CYP4F8: variants seen among roughly 807,000 people sequenced by gnomAD.
CYP4F8 encodes the protein cytochrome P450 4F8.
A neutral mutation model predicts 55.0 loss-of-function variants in CYP4F8; 56 were observed. The observed-to-expected ratio is 1.02, with a 90% CI of 0.82 to 1.27. The LOEUF (loss-of-function observed/expected upper bound fraction) is 1.27, where lower values mean the gene tolerates loss of function less well. CYP4F8 is among the 50% of genes most tolerant of loss of function. The pLI is 0.00. For synonymous variants in CYP4F8, 288 were observed against 267.3 expected, an observed-to-expected ratio of 1.08 and a Z score of -0.76; for missense variants, 680 against 682.4, an observed-to-expected ratio of 1.00 and a Z score of 0.04.
chr19:15,622,134 G>T, intron 5 of CYP4F8, 85 bp from the exon 6 acceptor site: 2 of 1,514,338 alleles, frequency 1.3e-6, no homozygotes, highest in East Asian at 2.4e-5. Context: ...CATGCCTCTG[G>T]GGGAGTCCAT....
chr19:15,630,633 G>A lies in CYP4F8; in HGVS notation c.*1275G>A, dbSNP rs1972322451. On this transcript the variant is annotated 3_prime_UTR_variant, in exon 13 of 13. Transcript: ENST00000612078. ...TTAGAGCTGCGATAAACATGTGGATGCTTGTGTCTTTTTGGCAGAATGATT... is the reference window on the plus strand; with the variant it reads ...TTAGAGCTGCGATAAACATGTGGATACTTGTGTCTTTTTGGCAGAATGATT... 1 of 152,212 alleles carries A rather than the reference G, an allele frequency of 6.6e-6. No homozygotes were observed. The allele number at this position is 152,212 out of a possible 1,614,324, so 9.4% of individuals were successfully genotyped here.
chr19:15,617,103 C>T (rs1972132453), intron 2 of CYP4F8, among the ~76,000 whole-genome samples: 1 of 152,178 alleles, frequency 6.6e-6, no homozygotes, highest in South Asian at 2.1e-4. Context: ...ATGTGGGGAC[C>T]AGCCCTGGGG....
Position 15,628,536 on chromosome 19 carries a change from G to A in CYP4F8, c.1255G>A (p.Val419Ile), listed in dbSNP as rs749737082. 8 of 1,613,822 alleles carry A rather than the reference G, an allele frequency of 5.0e-6. No homozygotes were observed. In the South Asian group the frequency reaches 5.5e-5, roughly 11 times the overall value. Residue 419 changes from valine to isoleucine, a missense_variant, in exon 11 of 13, where the codon GTC becomes ATC. Coordinates refer to ENST00000612078, the MANE Select transcript of CYP4F8 (RefSeq NM_007253.4). Reference sequence around the variant, plus strand: ...TGTCCTCTCCTGCACGACAGGGAATGTCTGTAACATCAACATCTTCGCAAT... The same window carrying A: ...TGTCCTCTCCTGCACGACAGGGAATATCTGTAACATCAACATCTTCGCAAT... ...PDSRVIPKGN[V>I]CNINIFAIHH...
chr19:15,615,594 C>G (rs1972104209), intron 1 of CYP4F8, 22 bp from the exon 2 acceptor site: 1 of 1,611,322 alleles, frequency 6.2e-7, no homozygotes, highest in Admixed American at 1.7e-5. Flanking sequence ...GGACCTCACC[C>G]TCCATCCCGT....
At chr19:15,619,332 G>GC in intron 3 of CYP4F8, 158 bp from the exon 4 acceptor site, 2 of 735,844 alleles carry the variant, frequency 2.7e-6, no homozygotes, top group Non-Finnish European at 2.2e-6. Flanking sequence ...TCCCCTTTAT[G>GC]CCCCCCACCC....
Position 15,629,309 on chromosome 19 carries a change from T to C in CYP4F8, c.1514T>C (p.Val505Ala). 1 of 1,612,982 alleles carries C rather than the reference T, an allele frequency of 6.2e-7. No homozygotes were observed. ...HREPRRTPEI[V>A]LRAEDGLWLR... ...GAGCCACGCAGGACGCCGGAGATTG[T>C]TTTGCGTGCGGAGGACGGACTTTGG... Residue 505 changes from valine to alanine, a missense_variant, in exon 13 of 13, where the codon GTT (valine) becomes GCT (alanine). By Grantham distance (64) the Val-to-Ala change is moderately conservative (BLOSUM62 0). Coordinates refer to ENST00000612078, the MANE Select transcript of CYP4F8 (RefSeq NM_007253.4).
At chr19:15,622,392 GTGGGGAGA>G in intron 6 of CYP4F8, 52 bp downstream of exon 6, 1 of 1,545,400 alleles carries the variant, frequency 6.5e-7, no homozygotes, top group Non-Finnish European at 8.8e-7. Context: ...GGGTGTGGGT[GTGGGGAGA>G]GCAAAGCCCA....
At chr19:15,619,372 C>A in intron 3 of CYP4F8, 118 bp from the exon 4 acceptor site, 1 of 1,241,020 alleles carries the variant, frequency 8.1e-7, no homozygotes, top group Non-Finnish European at 1.1e-6. Flanking sequence ...TGGCCTCCTT[C>A]CTGCTATGCT....
chr19:15,623,830 C>T (rs1972227253), intron 8 of CYP4F8, 65 bp downstream of exon 8: 1 of 1,602,354 alleles, frequency 6.2e-7, no homozygotes, highest in Non-Finnish European at 8.5e-7. Context: ...AAGTGGAGGG[C>T]CGGCCCTGAA....
intron 12 of CYP4F8, 123 bp downstream of exon 12, chr19:15,628,966 A>G: frequency 1.5e-6 from 2 of 1,295,072 alleles, no homozygotes; most frequent in Non-Finnish European, 2.1e-6. Flanking sequence ...AGATCCTAGG[A>G]AAAAGGGTGT....
rs377457783 is a variant in CYP4F8, at chr19:15,616,252, T to C, written c.198+438T>C. ...TCTCCTCACCCACTCATTCCTCTCC[T>C]CGCTCACTCATTCCTCTCCTCGCTC... On this transcript the variant is annotated intron_variant, in intron 2 of 12. Transcript: ENST00000612078. Among the ~76,000 whole-genome samples the C allele has an allele frequency of 7.8e-4, 115 of 147,302 alleles. 1 individual carries two copies. The highest frequency in any genetic ancestry group is 4.7e-3 in the South Asian group (22 of 4,646).
chr19:15,626,896 G>A (rs1972269912), intron 9 of CYP4F8, among the ~76,000 whole-genome samples: 1 of 152,072 alleles, frequency 6.6e-6, no homozygotes, highest in African/African-American at 2.4e-5. Flanking sequence ...CAGTAGACAA[G>A]AACCTGTTTC....
chr19:15,615,818 A>T lies in CYP4F8; in HGVS notation c.198+4A>T. The T allele has an allele frequency of 6.2e-7, 1 of 1,604,122 alleles. No homozygotes were observed. Among genetic ancestry groups the T allele is most frequent in the South Asian group, 1.1e-5 (1 of 90,126 alleles). ...GTTCTTGGGTCACCTGGGCCTGGTG[A>T]GTGGCAGGAGGATGGATCTAGTGTC... is the stretch of plus-strand genomic sequence containing the variant. On this transcript the variant is annotated splice_donor_region_variant and intron_variant, in intron 2 of 12. Transcript: ENST00000612078.
chr19:15,618,156 G>T lies in CYP4F8; in HGVS notation c.343+12G>T. 1 of 1,614,068 alleles carries T rather than the reference G, an allele frequency of 6.2e-7. No individual in the cohort carries two copies. Among genetic ancestry groups the T allele is most frequent in the Non-Finnish European group, 8.5e-7 (1 of 1,179,954 alleles). On this transcript the variant is annotated intron_variant, in intron 3 of 12. Transcript: ENST00000612078. ...CATCAATACCTCAGGTACTCCTGCA[G>T]AGCTTGTGGTGGTGGGCACAGGAGA... is the stretch of plus-strand genomic sequence containing the variant.
intron 9 of CYP4F8, among the ~76,000 whole-genome samples, chr19:15,625,879 C>T (rs1429617668): frequency 6.6e-6 from 1 of 152,116 alleles, no homozygotes; most frequent in Non-Finnish European, 1.5e-5. Flanking sequence ...ATGGTGGATA[C>T]TTTTATCTGT....
At chr19:15,622,843 G>A (rs1232498055) in intron 6 of CYP4F8, 2 of 524,862 alleles carry the variant, frequency 3.8e-6, no homozygotes, top group Non-Finnish European at 3.4e-6. Context: ...AGAAAATGGG[G>A]CAGATTTGGG....
chr19:15,623,796 G>T (rs1270815411), intron 8 of CYP4F8, 31 bp downstream of exon 8: 1 of 1,612,464 alleles, frequency 6.2e-7, no homozygotes, highest in Admixed American at 1.7e-5. Context: ...CTACAGTGGG[G>T]ACAGGGGTCT....
chr19:15,617,615 A>T (rs1205308210), intron 2 of CYP4F8, among the ~76,000 whole-genome samples: 3 of 152,114 alleles, frequency 2.0e-5, no homozygotes, highest in Non-Finnish European at 4.4e-5. Flanking sequence ...ACTCATGTTT[A>T]TGGAAGCTGA....
rs1568383914 is a variant in CYP4F8, at chr19:15,623,700, A to G, written c.920A>G (p.Asp307Gly). 1 of 1,614,036 alleles carries G rather than the reference A, an allele frequency of 6.2e-7. No homozygotes were observed. The highest frequency in any genetic ancestry group is 1.7e-5 in the Admixed American group (1 of 59,998). Residue 307 changes from aspartate (D) to glycine (G), a missense_variant and splice_region_variant, in exon 8 of 13, where the codon GAT becomes GGT. By Grantham distance (94) the Asp-to-Gly change is moderately conservative. Transcript: ENST00000612078. ...DFIDVLLLSEDKNGKELSDED... is the reference protein window; with the variant it reads ...DFIDVLLLSEGKNGKELSDED... Reference sequence around the variant, plus strand: ...TGTGATTGGGGTTCTTGTCTCCAGGATAAAAATGGTAAAGAGTTGTCAGAT... The same window carrying G: ...TGTGATTGGGGTTCTTGTCTCCAGGGTAAAAATGGTAAAGAGTTGTCAGAT...
Sources: gnomAD v4.1 joint callset for allele counts (sites outside exome capture counted in the v4.1 genomes callset) on GRCh38, gnomAD v4.1.1 for gene constraint, MANE v1.5 for transcripts, NCBI Gene and HGNC (gene_info 2026-07-23, HGNC 2026-07-21) for gene names.